Variants in ZNF256 observed in about 807,000 individuals in gnomAD.
The protein encoded by ZNF256 is bone marrow zinc finger 3.
Under a neutral mutation model 7.9 loss-of-function variants are expected in ZNF256, and 4 were observed. The observed-to-expected ratio is 0.50, with a 90% confidence interval of 0.25 to 1.15. The LOEUF (loss-of-function observed/expected upper bound fraction) is 1.15, where lower values mean the gene tolerates loss of function less well. ZNF256 is among the 50% of genes most tolerant of loss of function. ZNF256 has a pLI of 0.15. For synonymous variants in ZNF256, 260 were observed against 260.4 expected, an observed-to-expected ratio of 1.00 and a Z score of 0.02; for missense variants, 666 against 755.9, an observed-to-expected ratio of 0.88 and a Z score of 1.39.
intron 1 of ZNF256, among the ~76,000 whole-genome samples, chr19:57,944,913 ATTT>A (rs113198547): frequency 5.5e-5 from 8 of 145,692 alleles, no homozygotes; most frequent in Non-Finnish European, 7.5e-5. Flanking sequence ...CAGTTTATTA[ATTT>A]TTTTTTTTTT....
Position 57,941,672 on chromosome 19 carries a change from T to G in ZNF256, c.1136A>C (p.Tyr379Ser). ...GGATTTCCCACATTCACTGCACATA[T>G]AAGGCCTTGTACCAGTGTGAACTCT... The part of the protein sequence containing the change: ...HQRVHTGTRP[Y>S]MCSECGKSFS... Residue 379 changes from tyrosine to serine, a missense_variant, in exon 3 of 3, where the codon TAT becomes TCT. Tyr to Ser is a moderately radical substitution (Grantham distance 144). Transcript: ENST00000282308. 1 of 1,614,194 alleles carries G rather than the reference T, an allele frequency of 6.2e-7. No homozygotes were observed. The highest frequency in any genetic ancestry group is 8.5e-7 in the Non-Finnish European group (1 of 1,180,042).
Position 57,947,541 on chromosome 19 carries a change from G to A in ZNF256, c.-67C>T. The A allele has an allele frequency of 8.0e-7, 1 of 1,243,252 alleles. No individual in the cohort carries two copies. The highest frequency in any genetic ancestry group is 1.0e-6 in the Non-Finnish European group (1 of 983,196). 77.0% of individuals were successfully genotyped at this position (1,243,252 alleles called of 1,614,324 possible). A position where few individuals can be genotyped will look rare whatever the true frequency, so the allele number is the denominator to read the frequency against. ...TTCCGGGCCGGGCCTGGGTACCCTGGGCGCCGCCGAGCCTCAGCCACGCCT... is the reference window on the plus strand; with the variant it reads ...TTCCGGGCCGGGCCTGGGTACCCTGAGCGCCGCCGAGCCTCAGCCACGCCT... On this transcript the variant is annotated 5_prime_UTR_variant, in exon 1 of 3. Transcript: ENST00000282308.
chr19:57,944,250 G>A (rs1461639390), intron 1 of ZNF256, among the ~76,000 whole-genome samples, 190 bp from the exon 2 acceptor site: 1 of 152,212 alleles, frequency 6.6e-6, no homozygotes, highest in East Asian at 1.9e-4. Flanking sequence ...GCAGCCATCA[G>A]TAACAAGAGG....
intron 1 of ZNF256, among the ~76,000 whole-genome samples, chr19:57,944,905 G>A (rs920534488): frequency 3.7e-5 from 5 of 135,520 alleles, no homozygotes; most frequent in Non-Finnish European, 1.5e-5. Flanking sequence ...GAGATCAACA[G>A]TTTATTAATT....
chr19:57,943,048 C>T lies in ZNF256; in HGVS notation c.161-401G>A, dbSNP rs183273271. 2.6e-3 allele frequency among the ~76,000 whole-genome samples: 403 copies of T among 152,116 alleles called. 3 individuals are homozygous for T. Among genetic ancestry groups the T allele is most frequent in the Middle Eastern group, 0.01 (3 of 292 alleles). On this transcript the variant is annotated intron_variant, in intron 2 of 2. Coordinates refer to ENST00000282308, the MANE Select transcript of ZNF256 (RefSeq NM_005773.3). ...CACCTCATAACATATTATGTAGAGG[C>T]CAACACTGAAGAGCACTGCAGATAA...
At position 57,943,915 on chromosome 19, in the gene ZNF256, G is replaced by A. The variant is rs752058288; in HGVS notation, c.160+19C>T. On this transcript the variant is annotated intron_variant, in intron 2 of 2. Transcript: ENST00000282308. ...GCAAAGGCTAGCTCGGGGCATAGAGGTGGGTGTGAGGACCTTACCCAGGGA... is the reference window on the plus strand; with the variant it reads ...GCAAAGGCTAGCTCGGGGCATAGAGATGGGTGTGAGGACCTTACCCAGGGA... 5 of 1,613,080 alleles carry A rather than the reference G, an allele frequency of 3.1e-6. No individual in the cohort carries two copies. The African/African-American group carries it at 4.0e-5, about 13-fold the overall frequency.
Position 57,941,852 on chromosome 19 carries a change from C to A in ZNF256, c.956G>T (p.Gly319Val). 1 of 1,614,218 alleles carries A rather than the reference C, an allele frequency of 6.2e-7. No individual in the cohort carries two copies. Among genetic ancestry groups the A allele is most frequent in the Non-Finnish European group, 8.5e-7 (1 of 1,180,040 alleles). Residue 319 changes from glycine to valine, a missense_variant, in exon 3 of 3, where the codon GGA (glycine) becomes GTA (valine). Physicochemically the swap from Gly to Val is moderately radical, Grantham distance 109 (BLOSUM62 -3). Transcript: ENST00000282308. ...TTCACTGCACTTGTAAGGCCTTTCT[C>A]CAGTATGAACTCTCTGATGTATAAG... ...DLLIHQRVHT[G>V]ERPYKCSECG... is the part of the protein sequence containing the mutation.
intron 2 of ZNF256, among the ~76,000 whole-genome samples, chr19:57,942,898 T>C (rs147520823): frequency 9.4e-4 from 143 of 152,284 alleles, no homozygotes; most frequent in African/African-American, 3.4e-3. Context: ...AGGCAGGATA[T>C]ACAACTCATT....
chr19:57,947,135 G>C (rs2072772033), intron 1 of ZNF256, among the ~76,000 whole-genome samples: 1 of 152,234 alleles, frequency 6.6e-6, no homozygotes, highest in Admixed American at 6.5e-5. Flanking sequence ...CCAGGCCTCA[G>C]AGAAGAGCAT....
In ZNF256 at chr19:57,942,601, A is replaced by G; in HGVS notation, c.207T>C (p.Thr69=). ...GDEEAPYQQS[T]SPQRVSQVRI... is the part of the protein sequence containing the mutation. ...TAACCTGTGACACCCGCTGTGGAGA[A>G]GTGCTCTGCTGATAAGGTGCCTCCT... Residue 69 remains threonine (T), a synonymous_variant, in exon 3 of 3, where the codon ACT becomes ACC. Coordinates refer to ENST00000282308, the MANE Select transcript of ZNF256 (RefSeq NM_005773.3). The G allele has an allele frequency of 1.2e-6, 2 of 1,614,176 alleles. No individual in the cohort carries two copies. Among genetic ancestry groups the G allele is most frequent in the South Asian group, 2.2e-5 (2 of 91,078 alleles).
At chr19:57,947,404 G>A in intron 1 of ZNF256, 38 bp downstream of exon 1, 1 of 1,247,646 alleles carries the variant, frequency 8.0e-7, no homozygotes. Context: ...GGACTAGCGT[G>A]GGGAGGGCGG....
chr19:57,944,153 T>C lies in ZNF256; in HGVS notation c.34-93A>G. 1.9e-6 allele frequency: 3 copies of C among 1,569,518 alleles called. No individual in the cohort carries two copies. The South Asian group carries it at 3.4e-5, about 18-fold the overall frequency. ...ACACATTTACCCCATGCTCATCCTC[T>C]TTCCAAGCTCTCCAAGCTCCCCAGC... On this transcript the variant is annotated intron_variant, in intron 1 of 2. Transcript: ENST00000282308.
In ZNF256 at chr19:57,941,670, T is replaced by C; in HGVS notation, c.1138A>G (p.Met380Val). The change falls in exon 3 of 3, where the codon ATG (methionine) becomes GTG (valine). Residue 380 changes from methionine to valine, a missense_variant. Transcript: ENST00000282308. ...AAGGATTTCCCACATTCACTGCACA[T>C]ATAAGGCCTTGTACCAGTGTGAACT... is the stretch of plus-strand genomic sequence containing the variant. ...QRVHTGTRPY[M>V]CSECGKSFSQ... 5 of 1,613,454 alleles carry C rather than the reference T, an allele frequency of 3.1e-6. No homozygotes were observed. Among genetic ancestry groups the C allele is most frequent in the Non-Finnish European group, 4.2e-6 (5 of 1,179,840 alleles).
At chr19:57,946,860 C>T (rs185264385) in intron 1 of ZNF256, among the ~76,000 whole-genome samples, 1 of 152,218 alleles carries the variant, frequency 6.6e-6, no homozygotes, top group Admixed American at 6.5e-5. Context: ...AGCATTTGCA[C>T]ATCTTGTACC....
intron 2 of ZNF256, 27 bp downstream of exon 2, chr19:57,943,907 G>A: frequency 1.2e-6 from 2 of 1,612,218 alleles, no homozygotes; most frequent in South Asian, 1.1e-5. Context: ...CTAGCTCGGG[G>A]CATAGAGGTG....
intron 1 of ZNF256, among the ~76,000 whole-genome samples, chr19:57,946,069 C>T (rs1238151964): frequency 6.6e-6 from 1 of 152,172 alleles, no homozygotes; most frequent in Admixed American, 6.5e-5. Flanking sequence ...TCTTGGGAGC[C>T]GTGGCCACTG....
chr19:57,947,411 G>A (rs1180653850), intron 1 of ZNF256, 31 bp downstream of exon 1: 10 of 1,248,208 alleles, frequency 8.0e-6, no homozygotes, highest in African/African-American at 1.6e-5. Context: ...CGTGGGGAGG[G>A]CGGGGAAGGC....
Position 57,941,175 on chromosome 19 carries a change from T to G in ZNF256, c.1633A>C (p.Arg545=), listed in dbSNP as rs538286211. 4.3e-6 allele frequency: 7 copies of G among 1,614,214 alleles called. No homozygotes were observed. The South Asian group carries it at 7.7e-5, about 18-fold the overall frequency. ...CAACACTCACTGCACTCATAAGGCCTTTCTCCGGTGTGACTTCTCCTATGT... is the reference window on the plus strand; with the variant it reads ...CAACACTCACTGCACTCATAAGGCCGTTCTCCGGTGTGACTTCTCCTATGT... The part of the protein sequence containing the change: ...IRHRRSHTGE[R]PYECSECWKS... Residue 545 remains arginine (R), a synonymous_variant, in exon 3 of 3, where the codon AGG becomes CGG. Coordinates refer to ENST00000282308, the MANE Select transcript of ZNF256 (RefSeq NM_005773.3).
chr19:57,942,079 T>C lies in ZNF256; in HGVS notation c.729A>G (p.Glu243=), dbSNP rs749275630. The C allele has an allele frequency of 9.9e-6, 16 of 1,614,118 alleles. No homozygotes were observed. The highest frequency in any genetic ancestry group is 8.0e-5 in the African/African-American group (6 of 74,944). ...AGCTTGTGCTAAAAGATTTCCCACATTCACTGCACATGTAAGATCTTTCCC... is the reference window on the plus strand; with the variant it reads ...AGCTTGTGCTAAAAGATTTCCCACACTCACTGCACATGTAAGATCTTTCCC... ...LIRERSYMCS[E]CGKSFSTSCS... is the part of the protein sequence containing the mutation. The change falls in exon 3 of 3, where the codon GAA becomes GAG. Residue 243 remains glutamate, a synonymous_variant. Coordinates refer to ENST00000282308, the MANE Select transcript of ZNF256 (RefSeq NM_005773.3).
Sources: allele counts gnomAD v4.1 joint callset (sites outside exome capture counted in the v4.1 genomes callset), GRCh38; gene constraint gnomAD v4.1.1; transcripts MANE v1.5; gene names NCBI Gene and HGNC (gene_info 2026-07-23, HGNC 2026-07-21).